IFFO2: variants seen among roughly 807,000 people sequenced by gnomAD.
The protein encoded by IFFO2 is intermediate filament family orphan 2.
In IFFO2, 19 loss-of-function variants were observed where a neutral mutation model predicts 53.5. The observed-to-expected ratio is 0.36, with a 90% CI of 0.25 to 0.52. IFFO2 has a LOEUF of 0.52. IFFO2 is among the 20% of genes least tolerant of loss of function. The probability of loss-of-function intolerance (pLI) is 0.94; values close to 1 mark genes in which losing one functional copy is unlikely to be tolerated. For synonymous variants in IFFO2, 303 were observed against 313.6 expected, an observed-to-expected ratio of 0.97 and a Z score of 0.36; for missense variants, 570 against 727.4, an observed-to-expected ratio of 0.78 and a Z score of 2.49.
At chr1:18,932,232 G>C (rs557718381) in intron 1 of IFFO2, among the ~76,000 whole-genome samples, 6 of 152,240 alleles carry the variant, frequency 3.9e-5, no homozygotes, top group Non-Finnish European at 8.8e-5. Flanking sequence ...GGTATACACA[G>C]GCTCCGAATA....
chr1:18,913,310 G>A (rs1936068502), intron 5 of IFFO2, among the ~76,000 whole-genome samples: 1 of 152,280 alleles, frequency 6.6e-6, no homozygotes, highest in African/African-American at 2.4e-5. Flanking sequence ...GTAGGGGGTG[G>A]GTGCTGGAGA....
At chr1:18,938,673 C>T (rs1211750265) in intron 1 of IFFO2, among the ~76,000 whole-genome samples, 2 of 152,162 alleles carry the variant, frequency 1.3e-5, no homozygotes, top group African/African-American at 2.4e-5. Context: ...CAAGGAAGCT[C>T]CGACCACACC....
chr1:18,916,122 C>CAA lies in IFFO2; in HGVS notation c.1103+779_1103+780dup, dbSNP rs35729417. On this transcript the variant is annotated intron_variant, in intron 5 of 8. Coordinates refer to ENST00000455833, the MANE Select transcript of IFFO2 (RefSeq NM_001136265.2). The surrounding 1 kb of genome is among the most constrained non-coding windows in gnomAD (Gnocchi z 4.3). ...TCTGGGTGACAGAGTGAGACTGTCTCAAAAAAAAAAATAGCCTACAAATAA... is the reference window on the plus strand; with the variant it reads ...TCTGGGTGACAGAGTGAGACTGTCTCAAAAAAAAAAAAATAGCCTACAAATAA... Among the ~76,000 whole-genome samples the CAA allele has an allele frequency of 1.2e-4, 17 of 146,302 alleles. No individual in the cohort carries two copies. The highest frequency in any genetic ancestry group is 2.0e-4 in the Non-Finnish European group (13 of 66,242).
intron 1 of IFFO2, among the ~76,000 whole-genome samples, chr1:18,940,611 A>ATG (rs1936508194): frequency 7.1e-6 from 1 of 140,124 alleles, no homozygotes; most frequent in African/African-American, 2.5e-5. Context: ...ATGGATGGAC[A>ATG]GACGGACGGA....
chr1:18,929,830 C>T (rs1200927002), intron 1 of IFFO2, among the ~76,000 whole-genome samples: 1 of 152,228 alleles, frequency 6.6e-6, no homozygotes, highest in Non-Finnish European at 1.5e-5. Context: ...CCTTCCCCTC[C>T]TCTGGCACCA....
At position 18,953,720 on chromosome 1, in the gene IFFO2, G is replaced by A. The variant is rs181166792; in HGVS notation, c.665+1948C>T. Among the ~76,000 whole-genome samples, 161 of 152,210 alleles carry A rather than the reference G, an allele frequency of 1.1e-3. 1 individual carries two copies. The highest frequency in any genetic ancestry group is 1.9e-3 in the Admixed American group (29 of 15,284). ...ATCCCAGAAGGGCGGGAAGAGAGACGCCCGCACTCCACCTGTCTCAGCAGC... is the reference window on the plus strand; with the variant it reads ...ATCCCAGAAGGGCGGGAAGAGAGACACCCGCACTCCACCTGTCTCAGCAGC... On this transcript the variant is annotated intron_variant, in intron 1 of 8. Coordinates refer to ENST00000455833, the MANE Select transcript of IFFO2 (RefSeq NM_001136265.2).
At chr1:18,932,420 TG>T (rs1260513314) in intron 1 of IFFO2, among the ~76,000 whole-genome samples, 1 of 152,182 alleles carries the variant, frequency 6.6e-6, no homozygotes, top group Admixed American at 6.5e-5. Context: ...AGGCACTGAC[TG>T]CAGAGATCCC....
At chr1:18,953,688 T>C (rs1223698908) in intron 1 of IFFO2, among the ~76,000 whole-genome samples, 1 of 152,112 alleles carries the variant, frequency 6.6e-6, no homozygotes, top group Non-Finnish European at 1.5e-5. Flanking sequence ...AGACAAGGTG[T>C]GCACGCATCC....
intron 1 of IFFO2, among the ~76,000 whole-genome samples, chr1:18,924,024 C>T (rs960155690): frequency 2.6e-5 from 4 of 152,220 alleles, no homozygotes; most frequent in African/African-American, 9.6e-5. Flanking sequence ...ACGGGGGAGG[C>T]AGCCGGCTGG....
At chr1:18,931,196 G>C (rs1282177590) in intron 1 of IFFO2, among the ~76,000 whole-genome samples, 5 of 152,036 alleles carry the variant, frequency 3.3e-5, no homozygotes. Flanking sequence ...AACACCTTTG[G>C]AGAAACTGCA....
At position 18,910,492 on chromosome 1, in the gene IFFO2, A is replaced by C; in HGVS notation, c.1318-20T>G. On this transcript the variant is annotated intron_variant, in intron 7 of 8. Coordinates refer to ENST00000455833, the MANE Select transcript of IFFO2 (RefSeq NM_001136265.2). ...CTCGAGCTGGGAGGAACCAATGAGG[A>C]ATAAGGGTGAGGGCAAGTCATCCTC... 1 of 1,601,536 alleles carries C rather than the reference A, an allele frequency of 6.2e-7. No individual in the cohort carries two copies. The highest frequency in any genetic ancestry group is 8.5e-7 in the Non-Finnish European group (1 of 1,173,914).
intron 5 of IFFO2, among the ~76,000 whole-genome samples, chr1:18,915,834 C>T (rs1182940380): frequency 2.0e-5 from 3 of 152,132 alleles, no homozygotes; most frequent in Admixed American, 6.6e-5. Context: ...TGCTCAAGAA[C>T]GGCCCACAGG....
chr1:18,913,155 G>T (rs745797985), intron 5 of IFFO2, among the ~76,000 whole-genome samples: 3 of 152,250 alleles, frequency 2.0e-5, no homozygotes, highest in Non-Finnish European at 4.4e-5. Context: ...AATGGACTGG[G>T]TTGGGGACTG....
chr1:18,940,023 G>A (rs1936500385), intron 1 of IFFO2, among the ~76,000 whole-genome samples: 1 of 152,234 alleles, frequency 6.6e-6, no homozygotes, highest in African/African-American at 2.4e-5. Flanking sequence ...GGGCCTTGGA[G>A]TCTCTCCCCT....
chr1:18,930,028 T>C (rs1304138225), intron 1 of IFFO2, among the ~76,000 whole-genome samples: 1 of 151,992 alleles, frequency 6.6e-6, no homozygotes, highest in Non-Finnish European at 1.5e-5. Context: ...GTGTGTGTAG[T>C]GGAGAGGGGA....
chr1:18,911,994 T>C lies in IFFO2; in HGVS notation c.1193A>G (p.Asn398Ser), dbSNP rs1419862743. ...CTGCAGGTCGATGGTCGGATTGCAGTTGGTGAAATCCTCCCAGAGCAGCAG... is the reference window on the plus strand; with the variant it reads ...CTGCAGGTCGATGGTCGGATTGCAGCTGGTGAAATCCTCCCAGAGCAGCAG... ...DTLLLWEDFTNCNPTIDLQGE... is the reference protein window; with the variant it reads ...DTLLLWEDFTSCNPTIDLQGE... The change falls in exon 6 of 9, where the codon AAC becomes AGC. Residue 398 changes from asparagine to serine, a missense_variant. Physicochemically the swap from Asn to Ser is conservative, Grantham distance 46. Coordinates refer to ENST00000455833, the MANE Select transcript of IFFO2 (RefSeq NM_001136265.2). The C allele has an allele frequency of 1.3e-6, 2 of 1,551,762 alleles. No individual in the cohort carries two copies. The highest frequency in any genetic ancestry group is 2.0e-5 in the Admixed American group (1 of 50,998).
chr1:18,947,402 C>T lies in IFFO2; in HGVS notation c.665+8266G>A, dbSNP rs1936604169. 6.6e-6 allele frequency among the ~76,000 whole-genome samples: 1 copy of T among 152,178 alleles called. No individual in the cohort carries two copies. Among genetic ancestry groups the T allele is most frequent in the Non-Finnish European group, 1.5e-5 (1 of 68,024 alleles). ...TTGAGAGCCTGAGATCCACAGCCTG[C>T]CCCAGCTTTGCTAGGCAACATTTCA... On this transcript the variant is annotated intron_variant, in intron 1 of 8. Coordinates refer to ENST00000455833, the MANE Select transcript of IFFO2 (RefSeq NM_001136265.2). This position sits in a 1 kb window ranked among gnomAD's most constrained non-coding sequence, Gnocchi z 5.0.
chr1:18,926,573 C>T (rs1936300457), intron 1 of IFFO2, among the ~76,000 whole-genome samples: 1 of 152,182 alleles, frequency 6.6e-6, no homozygotes, highest in Non-Finnish European at 1.5e-5. Flanking sequence ...GAGGTGGCAG[C>T]ACCACCCCAG....
intron 1 of IFFO2, among the ~76,000 whole-genome samples, chr1:18,922,578 C>T (rs1936230642): frequency 6.6e-6 from 1 of 152,200 alleles, no homozygotes. Flanking sequence ...CACTCTCTCC[C>T]TCTCCCCCTT....
Sources: allele counts gnomAD v4.1 joint callset (sites outside exome capture counted in the v4.1 genomes callset), GRCh38; gene constraint gnomAD v4.1.1; non-coding constraint Gnocchi (gnomAD v3.1); transcripts MANE v1.5; gene names NCBI Gene and HGNC (gene_info 2026-07-23, HGNC 2026-07-21).